Variants in TCF7L2 observed in about 807,000 individuals in gnomAD.
TCF7L2 encodes the protein transcription factor 7-like 2.
In TCF7L2, 23 loss-of-function variants were observed where a neutral mutation model predicts 77.9. That is an observed-to-expected ratio of 0.30 (90% CI 0.21 to 0.42). TCF7L2 has a LOEUF of 0.42. Among genes scored for constraint, TCF7L2 ranks in the 10% least tolerant of loss-of-function variants. The probability of loss-of-function intolerance (pLI) is 1.00; values close to 1 mark genes in which losing one functional copy is unlikely to be tolerated. For synonymous variants in TCF7L2, 413 were observed against 340.2 expected (o/e 1.21, Z -2.36); for missense variants, 654 against 793.1 (o/e 0.82, Z 2.11).
chr10:113,038,480 A>G (rs1023226921), intron 4 of TCF7L2, among the ~76,000 whole-genome samples: 3 of 152,204 alleles, frequency 2.0e-5, no homozygotes, highest in African/African-American at 7.2e-5. Context: ...AGCTTTAGGT[A>G]TAACCAAATT....
Position 113,165,992 on chromosome 10 carries a change from G to C in TCF7L2, c.*20G>C, listed in dbSNP as rs764432801. ...GAATAGCTTTAGCGTCGTGAACCCCGCTGCTTTGTTTATGGTTTTGTTTCA... is the reference window on the plus strand; with the variant it reads ...GAATAGCTTTAGCGTCGTGAACCCCCCTGCTTTGTTTATGGTTTTGTTTCA... On this transcript the variant is annotated 3_prime_UTR_variant, in exon 14 of 14. Coordinates refer to ENST00000627217, the MANE Select transcript of TCF7L2 (RefSeq NM_001146274.2). 2 of 1,464,748 alleles carry C rather than the reference G, an allele frequency of 1.4e-6. No homozygotes were observed. The highest frequency in any genetic ancestry group is 2.8e-5 in the African/African-American group (2 of 70,468). 90.7% of individuals were successfully genotyped at this position (1,464,748 alleles called of 1,614,324 possible).
intron 5 of TCF7L2, among the ~76,000 whole-genome samples, chr10:113,066,137 C>T (rs1192594190): frequency 1.3e-5 from 2 of 151,842 alleles, no homozygotes; most frequent in African/African-American, 4.8e-5. Context: ...CCGAGGAGGG[C>T]GGATCACTTG....
chr10:113,084,349 T>G (rs2059606341), intron 5 of TCF7L2, among the ~76,000 whole-genome samples: 1 of 152,172 alleles, frequency 6.6e-6, no homozygotes, highest in African/African-American at 2.4e-5. Flanking sequence ...CAAAGGCCGG[T>G]GGGCTGGAGC....
At chr10:112,958,885 C>T (rs763717040) in intron 3 of TCF7L2, among the ~76,000 whole-genome samples, 10 of 152,102 alleles carry the variant, frequency 6.6e-5, no homozygotes, top group Non-Finnish European at 8.8e-5. Context: ...TGCAGCACTG[C>T]GACTGCTAAG....
At chr10:113,119,687 AACT>A (rs1176586164) in intron 5 of TCF7L2, among the ~76,000 whole-genome samples, 2 of 151,938 alleles carry the variant, frequency 1.3e-5, no homozygotes, top group Non-Finnish European at 2.9e-5. Context: ...TTTTTAAAAA[AACT>A]TATCGAAGGT....
At chr10:113,143,713 T>A (rs1340972116) in intron 6 of TCF7L2, among the ~76,000 whole-genome samples, 3 of 152,182 alleles carry the variant, frequency 2.0e-5, no homozygotes, top group Admixed American at 1.3e-4. Flanking sequence ...CCAGTCCATT[T>A]AGAAGGAGAT....
In TCF7L2 at chr10:112,951,484, G is replaced by C. The variant is rs764238991; in HGVS notation, c.258G>C (p.Ala86=). 1 of 1,426,928 alleles carries C rather than the reference G, an allele frequency of 7.0e-7. No individual in the cohort carries two copies. The highest frequency in any genetic ancestry group is 9.4e-7 in the Non-Finnish European group (1 of 1,067,546). 88.4% of individuals were successfully genotyped at this position (1,426,928 alleles called of 1,614,324 possible). ...CCCCTCGCCGCCCCGCCATGTTAGC[G>C]GCCAAGAGGCAAGATGGAGGGCTCT... Residue 86 remains alanine, a splice_region_variant and synonymous_variant, in exon 3 of 14, where the codon GCG becomes GCC. Transcript: ENST00000627217.
At chr10:112,971,257 A>G (rs537383640) in intron 4 of TCF7L2, among the ~76,000 whole-genome samples, 1 of 152,236 alleles carries the variant, frequency 6.6e-6, no homozygotes, top group South Asian at 2.1e-4. Context: ...TCCCAAACTG[A>G]GTTAGGTTTC....
At chr10:113,113,968 G>T (rs290476) in intron 5 of TCF7L2, among the ~76,000 whole-genome samples, 70,239 of 152,024 alleles carry the variant, frequency 0.46, 16,611 homozygotes, top group East Asian at 0.68. Flanking sequence ...GGTTTCGTTG[G>T]ACTATCAGTT....
chr10:112,992,021 C>T (rs1161128554), intron 4 of TCF7L2, among the ~76,000 whole-genome samples: 7 of 152,174 alleles, frequency 4.6e-5, no homozygotes, highest in Admixed American at 4.6e-4. Flanking sequence ...AGAAGTATTT[C>T]CAGAGGGTAA....
chr10:113,097,008 G>A (rs1445745383), intron 5 of TCF7L2, among the ~76,000 whole-genome samples: 1 of 152,068 alleles, frequency 6.6e-6, no homozygotes, highest in Non-Finnish European at 1.5e-5. Flanking sequence ...TGAGCCCCGC[G>A]TCACCATCCC....
At chr10:113,066,784 T>C (rs2057319184) in intron 5 of TCF7L2, among the ~76,000 whole-genome samples, 1 of 152,224 alleles carries the variant, frequency 6.6e-6, no homozygotes. Flanking sequence ...TCTGTTTCCA[T>C]GTTGTTTCTG....
chr10:113,105,971 T>C (rs2062251297), intron 5 of TCF7L2, among the ~76,000 whole-genome samples: 1 of 152,162 alleles, frequency 6.6e-6, no homozygotes, highest in African/African-American at 2.4e-5. Flanking sequence ...GGGAGATTAA[T>C]TGGGACTGTC....
At chr10:113,087,100 C>T (rs2059919327) in intron 5 of TCF7L2, among the ~76,000 whole-genome samples, 1 of 152,088 alleles carries the variant, frequency 6.6e-6, no homozygotes, top group Non-Finnish European at 1.5e-5. Flanking sequence ...GCCAGTAGCC[C>T]CTGATGCGCT....
chr10:112,956,044 A>G (rs922485963), intron 3 of TCF7L2, among the ~76,000 whole-genome samples: 1 of 152,056 alleles, frequency 6.6e-6, no homozygotes, highest in Non-Finnish European at 1.5e-5. Flanking sequence ...TGGGTAAACT[A>G]GAAGGTATCT....
chr10:113,143,125 T>A (rs2068681957), intron 6 of TCF7L2, among the ~76,000 whole-genome samples: 1 of 152,354 alleles, frequency 6.6e-6, no homozygotes, highest in East Asian at 1.9e-4. Context: ...TCTGTCAGAG[T>A]GGACTACAGG....
rs148268101 is a variant in TCF7L2 at position 113,075,962 on chromosome 10, C to T, written c.552+35836C>T. Among the ~76,000 whole-genome samples, 274 of 152,032 alleles carry T rather than the reference C, an allele frequency of 1.8e-3. 1 individual carries two copies. The highest frequency in any genetic ancestry group is 6.5e-3 in the African/African-American group (268 of 41,462). On this transcript the variant is annotated intron_variant, in intron 5 of 13. Transcript: ENST00000627217. ...ACACACCTGGCCAACATGGTGAAAC[C>T]CTGTCTCTACTAAAAATACAAAAAT...
At chr10:112,968,414 GA>G (rs1176773519) in intron 4 of TCF7L2, among the ~76,000 whole-genome samples, 1 of 152,072 alleles carries the variant, frequency 6.6e-6, no homozygotes, top group East Asian at 1.9e-4. Context: ...TTTTCTTTAT[GA>G]TTTTCCTAAT....
chr10:113,050,212 T>A (rs959702811), intron 5 of TCF7L2, among the ~76,000 whole-genome samples: 1 of 152,194 alleles, frequency 6.6e-6, no homozygotes, highest in South Asian at 2.1e-4. Context: ...GGCTTTACTC[T>A]TTGTCTTCCT....
Sources: gnomAD v4.1 joint callset for allele counts (sites outside exome capture counted in the v4.1 genomes callset) on GRCh38, gnomAD v4.1.1 for gene constraint, MANE v1.5 for transcripts, NCBI Gene and HGNC (gene_info 2026-07-23, HGNC 2026-07-21) for gene names.